Variants in TMEM120B observed in about 807,000 individuals in gnomAD.
TMEM120B encodes the protein transmembrane protein 120B.
Under a neutral mutation model 55.5 loss-of-function variants are expected in TMEM120B, and 31 were observed. The ratio of observed to expected loss-of-function variants is 0.56; its 90% confidence interval spans 0.42 to 0.75. The LOEUF (loss-of-function observed/expected upper bound fraction) is 0.75. TMEM120B is among the 30% of genes least tolerant of loss of function. TMEM120B has a pLI of 0.00. For synonymous variants in TMEM120B, 203 were observed against 176.3 expected (o/e 1.15, Z -1.20); for missense variants, 399 against 425.5 (o/e 0.94, Z 0.55).
At chr12:121,721,804 C>CTTTTTTTTTTTT (rs56702857) in intron 1 of TMEM120B, among the ~76,000 whole-genome samples, 14 of 91,852 alleles carry the variant, frequency 1.5e-4, no homozygotes, top group Admixed American at 2.6e-4. Flanking sequence ...ATCAGTTCTA[C>CTTTTTTTTTTTT]TTTTTTTTTT....
chr12:121,728,692 A>C (rs187893949), intron 1 of TMEM120B, among the ~76,000 whole-genome samples: 1 of 152,284 alleles, frequency 6.6e-6, no homozygotes, highest in African/African-American at 2.4e-5. Context: ...GAACGTGTTT[A>C]CTTATGTAAT....
At chr12:121,738,148 A>G (rs1872811956) in intron 1 of TMEM120B, among the ~76,000 whole-genome samples, 1 of 151,866 alleles carries the variant, frequency 6.6e-6, no homozygotes, top group African/African-American at 2.4e-5. Flanking sequence ...AATCCCAGCT[A>G]CTCGGGAGGC....
chr12:121,736,993 T>C (rs1895129147), intron 1 of TMEM120B, among the ~76,000 whole-genome samples: 1 of 152,150 alleles, frequency 6.6e-6, no homozygotes, highest in Non-Finnish European at 1.5e-5. Flanking sequence ...GCTGGACTTT[T>C]TGCTCCAAGA....
chr12:121,718,476 A>G (rs781128649), intron 1 of TMEM120B, among the ~76,000 whole-genome samples: 2 of 152,182 alleles, frequency 1.3e-5, no homozygotes, highest in Non-Finnish European at 2.9e-5. Flanking sequence ...AGGGTACTCC[A>G]GCCTGGGTGA....
chr12:121,729,064 C>T (rs748242174), intron 1 of TMEM120B, among the ~76,000 whole-genome samples: 8 of 152,230 alleles, frequency 5.3e-5, no homozygotes, highest in Non-Finnish European at 1.2e-4. Flanking sequence ...CAGGCCTAAC[C>T]CTGCTTCTAG....
intron 1 of TMEM120B, among the ~76,000 whole-genome samples, chr12:121,739,165 C>A (rs1192238651): frequency 6.6e-6 from 1 of 151,986 alleles, no homozygotes; most frequent in Non-Finnish European, 1.5e-5. Flanking sequence ...CTGGCCTGGG[C>A]GACAAGAGTC....
intron 1 of TMEM120B, among the ~76,000 whole-genome samples, chr12:121,715,173 T>C (rs910615036): frequency 2.6e-4 from 40 of 151,930 alleles, no homozygotes; most frequent in African/African-American, 9.7e-4. Context: ...CTGTCTCTAC[T>C]AAAAATGCAA....
intron 1 of TMEM120B, among the ~76,000 whole-genome samples, chr12:121,714,552 C>T (rs1225836834): frequency 6.8e-6 from 1 of 147,648 alleles, no homozygotes; most frequent in Non-Finnish European, 1.5e-5. Context: ...GGCCCTCAGC[C>T]ACTTCTTTTT....
chr12:121,734,921 GA>G (rs1405322648), intron 1 of TMEM120B, among the ~76,000 whole-genome samples: 28 of 142,510 alleles, frequency 2.0e-4, no homozygotes, highest in Middle Eastern at 3.5e-3. Context: ...CTCAAAAAAA[GA>G]AAAAAAAAAG....
rs1307671000 is a variant in TMEM120B at position 121,780,946 on chromosome 12, T to G, written c.*5224T>G. Reference sequence around the variant, plus strand: ...TGCTCCTTGTCCTTCCTCAGGTCTGTCTTGCAGCCGATGAGCACCATGGGG... The same window carrying G: ...TGCTCCTTGTCCTTCCTCAGGTCTGGCTTGCAGCCGATGAGCACCATGGGG... On this transcript the variant is annotated 3_prime_UTR_variant, in exon 12 of 12. Coordinates refer to ENST00000449592, the MANE Select transcript of TMEM120B (RefSeq NM_001080825.2). 1 of 1,614,044 alleles carries G rather than the reference T, an allele frequency of 6.2e-7. No individual in the cohort carries two copies.
chr12:121,743,713 A>C lies in TMEM120B; in HGVS notation c.154A>C (p.Lys52Gln), dbSNP rs376775003. The C allele has an allele frequency of 1.4e-5, 22 of 1,613,518 alleles. No homozygotes were observed. The highest frequency in any genetic ancestry group is 5.5e-5 in the South Asian group (5 of 91,058). The change falls in exon 2 of 12, where the codon AAG becomes CAG. Residue 52 changes from lysine (K) to glutamine (Q), a missense_variant. Lys to Gln is a moderately conservative substitution (Grantham distance 53). Coordinates refer to ENST00000449592, the MANE Select transcript of TMEM120B (RefSeq NM_001080825.2). Reference sequence around the variant, plus strand: ...TAGCAGTTCCATCAGTAAGCAGAAGAAGCACCTCAAGGACTTGAAGCTTAC... The same window carrying C: ...TAGCAGTTCCATCAGTAAGCAGAAGCAGCACCTCAAGGACTTGAAGCTTAC... ...LCSSSISKQK[K>Q]HLKDLKLTLQ...
chr12:121,770,998 C>T (rs752610499), intron 7 of TMEM120B, 26 bp downstream of exon 7: 1 of 1,611,174 alleles, frequency 6.2e-7, no homozygotes, highest in South Asian at 1.1e-5. Context: ...CTGGGCCCCT[C>T]CAGCCTCCCA....
At chr12:121,772,536 G>A (rs1244020990) in intron 8 of TMEM120B, among the ~76,000 whole-genome samples, 1 of 151,254 alleles carries the variant, frequency 6.6e-6, no homozygotes, top group African/African-American at 2.4e-5. Flanking sequence ...CCCGGTTCAA[G>A]CGATTCTCCT....
Position 121,750,414 on chromosome 12 carries a change from G to A in TMEM120B, c.340G>A (p.Val114Met), listed in dbSNP as rs1183980985. 1.9e-6 allele frequency: 3 copies of A among 1,612,256 alleles called. No individual in the cohort carries two copies. Among genetic ancestry groups the A allele is most frequent in the African/African-American group, 1.3e-5 (1 of 74,662 alleles). Residue 114 changes from valine to methionine, a missense_variant, in exon 4 of 12, where the codon GTG becomes ATG. Val to Met is a conservative substitution (Grantham distance 21, BLOSUM62 1). Around this residue, in one of 3 missense-constraint regions of TMEM120B, gnomAD observed 260 missense variants for 303.9 expected, o/e 0.86. Transcript: ENST00000449592. Reference protein sequence around the residue: ...YLNLVLGNVNVTLLSNQAKFA... With the variant: ...YLNLVLGNVNMTLLSNQAKFA... ...GAACCTGGTCCTCGGCAATGTGAAC[G>A]TGACCCTCCTCAGCAACCAGGCCAA...
intron 1 of TMEM120B, among the ~76,000 whole-genome samples, chr12:121,737,937 G>C (rs889744221): frequency 6.6e-6 from 1 of 150,826 alleles, no homozygotes; most frequent in African/African-American, 2.4e-5. Flanking sequence ...TTGAACCCGG[G>C]AGGTGGAGCA....
rs1874295221 is a variant in TMEM120B, at chr12:121,777,836, C to T, written c.*2114C>T. 6.6e-6 allele frequency: 1 copy of T among 152,202 alleles called. No individual in the cohort carries two copies. The allele number at this position is 152,202 out of a possible 1,614,324, so 9.4% of individuals were successfully genotyped here. A position where few individuals can be genotyped will look rare whatever the true frequency, so the allele number is the denominator to read the frequency against. ...CAGGCTGTAGTTGTTGGACCTCTACCGTAGACCATCATGAGGCCTGGGGTT... is the reference window on the plus strand; with the variant it reads ...CAGGCTGTAGTTGTTGGACCTCTACTGTAGACCATCATGAGGCCTGGGGTT... On this transcript the variant is annotated 3_prime_UTR_variant, in exon 12 of 12. Transcript: ENST00000449592.
In TMEM120B at chr12:121,781,016, G is replaced by A; in HGVS notation, c.*5294G>A. 2 of 1,613,456 alleles carry A rather than the reference G, an allele frequency of 1.2e-6. No homozygotes were observed. The highest frequency in any genetic ancestry group is 1.3e-5 in the African/African-American group (1 of 75,074). The stretch of plus-strand genomic sequence containing the variant: ...TGACCTCAGGGAACCACTGTGGAGG[G>A]AGGAGGCGGGATCAGGGGTGCGGCC... On this transcript the variant is annotated 3_prime_UTR_variant, in exon 12 of 12. Coordinates refer to ENST00000449592, the MANE Select transcript of TMEM120B (RefSeq NM_001080825.2).
intron 2 of TMEM120B, among the ~76,000 whole-genome samples, chr12:121,744,985 T>C (rs1296352411): frequency 6.6e-6 from 1 of 152,182 alleles, no homozygotes; most frequent in Non-Finnish European, 1.5e-5. Flanking sequence ...CAGTGATTGC[T>C]TCACAGATGG....
At chr12:121,753,439 TG>T (rs1873389238) in intron 5 of TMEM120B, among the ~76,000 whole-genome samples, 1 of 151,932 alleles carries the variant, frequency 6.6e-6, no homozygotes, top group East Asian at 1.9e-4. Context: ...GGCGTGGTGG[TG>T]GGTGCCTGTA....
Sources: gnomAD v4.1 joint callset for allele counts (sites outside exome capture counted in the v4.1 genomes callset) on GRCh38, gnomAD v4.1.1 for gene constraint, gnomAD v4.1.1 regional missense constraint, MANE v1.5 for transcripts, NCBI Gene and HGNC (gene_info 2026-07-23, HGNC 2026-07-21) for gene names.